The following OSTM1 variants were observed in gnomAD, a reference collection of about 807,000 sequenced individuals.
The protein encoded by OSTM1 is osteoclastogenesis associated transmembrane protein 1.
A neutral mutation model predicts 35.4 loss-of-function variants in OSTM1; 26 were observed. The ratio of observed to expected loss-of-function variants is 0.73; its 90% confidence interval spans 0.54 to 1.02. The LOEUF is 1.02. OSTM1 is among the 50% of genes least tolerant of loss of function. OSTM1 has a pLI of 0.00. For missense variants in OSTM1, 366 were observed against 409.6 expected, an observed-to-expected ratio of 0.89 and a Z score of 0.92; for synonymous variants, 181 against 165.0, an observed-to-expected ratio of 1.10 and a Z score of -0.75.
chr6:108,071,331 A>C (rs1582400355), intron 1 of OSTM1, among the ~76,000 whole-genome samples: 1 of 151,228 alleles, frequency 6.6e-6, no homozygotes, highest in South Asian at 2.1e-4. Flanking sequence ...TTTGCAACGG[A>C]GTCTTACTCT....
chr6:108,045,876 T>A (rs1025355704), intron 5 of OSTM1, among the ~76,000 whole-genome samples: 3 of 152,190 alleles, frequency 2.0e-5, no homozygotes, highest in African/African-American at 7.2e-5. Flanking sequence ...AAAACTTGGG[T>A]AGGGGTTATG....
intron 5 of OSTM1, among the ~76,000 whole-genome samples, chr6:108,047,668 G>A (rs1017612748): frequency 1.3e-5 from 2 of 152,080 alleles, no homozygotes; most frequent in African/African-American, 4.8e-5. Flanking sequence ...GGAGAGAGAC[G>A]GACTAAGCAG....
chr6:108,052,511 C>CTTTTT (rs35984071), intron 3 of OSTM1, among the ~76,000 whole-genome samples: 2,955 of 107,988 alleles, frequency 0.027, 106 homozygotes, highest in African/African-American at 0.057. Flanking sequence ...GTAATTTAAC[C>CTTTTT]TTTTTTTTTT....
At chr6:108,047,379 C>A (rs950246091) in intron 5 of OSTM1, among the ~76,000 whole-genome samples, 1 of 152,100 alleles carries the variant, frequency 6.6e-6, no homozygotes, top group African/African-American at 2.4e-5. Flanking sequence ...ATGGATGTGA[C>A]GAGTTTAGAA....
chr6:108,074,719 C>T lies in OSTM1; in HGVS notation c.-68G>A. ...GCCCCCAGCCGGCACCGCGGACAGC[C>T]GCCGCTTCCGGTTTCCGCGAGCGCA... is the stretch of plus-strand genomic sequence containing the variant. On this transcript the variant is annotated 5_prime_UTR_variant, in exon 1 of 6. Coordinates refer to ENST00000193322, the MANE Select transcript of OSTM1 (RefSeq NM_014028.4). The T allele has an allele frequency of 7.0e-7, 1 of 1,422,140 alleles. No homozygotes were observed. The highest frequency in any genetic ancestry group is 9.2e-7 in the Non-Finnish European group (1 of 1,092,696). The allele number at this position is 1,422,140 out of a possible 1,614,324, so 88.1% of individuals were successfully genotyped here.
rs1414315447 is a variant in OSTM1, at chr6:108,042,175, T to A, written c.*2610A>T. 6.9e-6 allele frequency: 1 copy of A among 145,450 alleles called. No homozygotes were observed. The highest frequency in any genetic ancestry group is 1.5e-5 in the Non-Finnish European group (1 of 67,346). The allele number at this position is 145,450 out of a possible 1,614,324, so 9.0% of individuals were successfully genotyped here. A position where few individuals can be genotyped will look rare whatever the true frequency, so the allele number is the denominator to read the frequency against. On this transcript the variant is annotated 3_prime_UTR_variant, in exon 6 of 6. Transcript: ENST00000193322. ...CAGCCAGGTGTGGTGCTTATGCTTG[T>A]AATCCCAGCACTTTGGGAGGCTAAG...
rs546399681 is a variant in OSTM1, at chr6:108,074,603, A to C, written c.49T>G (p.Trp17Gly). 4.5e-5 allele frequency: 70 copies of C among 1,565,108 alleles called. No homozygotes were observed. In the African/African-American group the frequency reaches 8.2e-4, roughly 18 times the overall value. The change falls in exon 1 of 6, where the codon TGG becomes GGG. Residue 17 changes from tryptophan (W) to glycine (G), a missense_variant. By Grantham distance (184) the Trp-to-Gly change is radical (BLOSUM62 -2). Transcript: ENST00000193322. ...CACAGCAGCAGCCCCAGCGGCAGCC[A>C]CGGCGGCAACGAACACCTCCGCTGC... Reference protein sequence around the residue: ...AAQRRCSLPPWLPLGLLLWSG... With the variant: ...AAQRRCSLPPGLPLGLLLWSG...
At chr6:108,049,218 T>C (rs1207407493) in intron 5 of OSTM1, 35 bp downstream of exon 5, 1 of 1,468,866 alleles carries the variant, frequency 6.8e-7, no homozygotes, top group Non-Finnish European at 9.4e-7. Flanking sequence ...AATACAGGCT[T>C]TTATCTATAA....
intron 5 of OSTM1, among the ~76,000 whole-genome samples, chr6:108,048,295 TTC>T: frequency 6.6e-6 from 1 of 152,302 alleles, no homozygotes. Context: ...CCCTAAACAG[TTC>T]TCTTTTTTAA....
intron 2 of OSTM1, among the ~76,000 whole-genome samples, chr6:108,058,803 T>C (rs778007077): frequency 6.6e-6 from 1 of 152,152 alleles, no homozygotes; most frequent in Non-Finnish European, 1.5e-5. Flanking sequence ...TTTTGGTTAA[T>C]TGACCTTCTG....
intron 3 of OSTM1, among the ~76,000 whole-genome samples, chr6:108,052,547 C>A (rs1357587869): frequency 8.9e-6 from 1 of 112,068 alleles, no homozygotes; most frequent in Admixed American, 1.1e-4. Flanking sequence ...CACGGTCTTG[C>A]TATTTTGCCC....
At chr6:108,053,575 A>T (rs1412014483) in intron 3 of OSTM1, among the ~76,000 whole-genome samples, 1 of 152,180 alleles carries the variant, frequency 6.6e-6, no homozygotes, top group Non-Finnish European at 1.5e-5. Flanking sequence ...CAATGGCACG[A>T]TCTCAACTCA....
intron 3 of OSTM1, among the ~76,000 whole-genome samples, chr6:108,053,026 CCT>C (rs1772107028): frequency 6.6e-6 from 1 of 152,202 alleles, no homozygotes; most frequent in African/African-American, 2.4e-5. Context: ...TTCCCTTTAC[CCT>C]TCCCTCACTG....
chr6:108,050,019 T>C (rs1012805839), intron 4 of OSTM1, among the ~76,000 whole-genome samples: 6 of 152,184 alleles, frequency 3.9e-5, no homozygotes, highest in Admixed American at 6.5e-5. Context: ...AACTCCAGCA[T>C]CATAGTGCCT....
intron 2 of OSTM1, 90 bp downstream of exon 2, chr6:108,064,095 G>T: frequency 1.3e-6 from 1 of 759,214 alleles, no homozygotes; most frequent in South Asian, 1.4e-5. Flanking sequence ...GTATTATCCA[G>T]CTTCAAAGAT....
rs994662541 is a variant in OSTM1, at chr6:108,074,699, C to T, written c.-48G>A. 13 of 1,470,258 alleles carry T rather than the reference C, an allele frequency of 8.8e-6. No homozygotes were observed. In the African/African-American group the frequency reaches 1.6e-4, roughly 18 times the overall value. 91.1% of individuals were successfully genotyped at this position (1,470,258 alleles called of 1,614,324 possible). ...GAGCCCACCGCCGCCTCTCCGCCCC[C>T]AGCCGGCACCGCGGACAGCCGCCGC... On this transcript the variant is annotated 5_prime_UTR_variant, in exon 1 of 6. Coordinates refer to ENST00000193322, the MANE Select transcript of OSTM1 (RefSeq NM_014028.4).
intron 3 of OSTM1, 78 bp downstream of exon 3, chr6:108,054,412 T>C: frequency 1.5e-6 from 1 of 647,980 alleles, no homozygotes; most frequent in Non-Finnish European, 2.7e-6. Context: ...CAATAATTAG[T>C]GCTCTAAAAA....
At chr6:108,069,083 C>G (rs1021633371) in intron 1 of OSTM1, among the ~76,000 whole-genome samples, 2 of 152,176 alleles carry the variant, frequency 1.3e-5, no homozygotes, top group Admixed American at 6.5e-5. Flanking sequence ...ACCTACCCCC[C>G]AGTCATACTC....
intron 1 of OSTM1, among the ~76,000 whole-genome samples, chr6:108,070,954 C>T (rs1383978515): frequency 4.7e-5 from 7 of 149,874 alleles, no homozygotes; most frequent in East Asian, 2.0e-4. Flanking sequence ...TTTGGGAGGT[C>T]GAGGTGTGCA....
Sources: gnomAD v4.1 joint callset for allele counts (sites outside exome capture counted in the v4.1 genomes callset) on GRCh38, gnomAD v4.1.1 for gene constraint, MANE v1.5 for transcripts, NCBI Gene and HGNC (gene_info 2026-07-23, HGNC 2026-07-21) for gene names.